ZCCHC2: variants seen among roughly 807,000 people sequenced by gnomAD.
The protein encoded by ZCCHC2 is zinc finger CCHC domain-containing protein 2.
ZCCHC2 carries 39 observed loss-of-function variants against 103.6 expected under a neutral mutation model. The observed-to-expected ratio is 0.38, with a 90% CI of 0.29 to 0.49. The LOEUF is 0.49. ZCCHC2 is among the 20% of genes least tolerant of loss of function. The probability of loss-of-function intolerance (pLI) is 0.96; values close to 1 mark genes in which losing one functional copy is unlikely to be tolerated. For missense variants in ZCCHC2, 1,483 were observed against 1,491.0 expected (o/e 0.99, Z 0.09); for synonymous variants, 687 against 608.9 (o/e 1.13, Z -1.89).
At position 62,523,589 on chromosome 18, in the gene ZCCHC2, G is replaced by A; in HGVS notation, c.165G>A (p.Arg55=). 1.0e-6 allele frequency: 1 copy of A among 997,074 alleles called. No homozygotes were observed. Among genetic ancestry groups the A allele is most frequent in the Non-Finnish European group, 1.2e-6 (1 of 835,658 alleles). 61.8% of individuals were successfully genotyped at this position (997,074 alleles called of 1,614,324 possible). A position where few individuals can be genotyped will look rare whatever the true frequency, so the allele number is the denominator to read the frequency against. ...PPPPPPAGPS[R]GPLPPPPPPR... ...CGCCGCCGCCCGCGGGCCCGTCGCG[G>A]GGCCCTCTGCCGCCGCCGCCGCCGC... is the stretch of plus-strand genomic sequence containing the variant. Residue 55 remains arginine (R), a synonymous_variant, in exon 1 of 14, where the codon CGG becomes CGA. Transcript: ENST00000269499.
rs1914169288 is a variant in ZCCHC2 at position 62,523,609 on chromosome 18, C to CGCT, written c.187_188insTGC (p.Pro62_Pro63insLeu). On this transcript the variant is annotated inframe_insertion, in exon 1 of 14. Transcript: ENST00000269499. Reference sequence around the variant, plus strand: ...TCGCGGGGCCCTCTGCCGCCGCCGCCGCCGCCCCGGGGACTCGGGCCGCCT... The same window carrying CGCT: ...TCGCGGGGCCCTCTGCCGCCGCCGCCGCTGCCGCCCCGGGGACTCGGGCCGCCT... The CGCT allele has an allele frequency of 7.9e-6, 9 of 1,144,946 alleles. No homozygotes were observed. The highest frequency in any genetic ancestry group is 9.6e-6 in the Non-Finnish European group (9 of 933,788). 70.9% of individuals were successfully genotyped at this position (1,144,946 alleles called of 1,614,324 possible).
At chr18:62,526,725 C>T (rs1305142441) in intron 1 of ZCCHC2, among the ~76,000 whole-genome samples, 1 of 152,124 alleles carries the variant, frequency 6.6e-6, no homozygotes, top group Non-Finnish European at 1.5e-5. Flanking sequence ...GCCTTAGGGG[C>T]TCGGAGGTCA....
intron 1 of ZCCHC2, among the ~76,000 whole-genome samples, chr18:62,528,428 A>C (rs1312836718): frequency 6.6e-6 from 1 of 152,140 alleles, no homozygotes; most frequent in Non-Finnish European, 1.5e-5. Context: ...CCCCATCTCT[A>C]TTAAGAAAAA....
At chr18:62,579,720 GTCTTT>G (rs1916989535), downstream of ZCCHC2, among the ~76,000 whole-genome samples, 1 of 151,826 alleles carries the variant, frequency 6.6e-6, no homozygotes, top group African/African-American at 2.4e-5. Context: ...GATTGTGTTA[GTCTTT>G]TCTTTTTTTT....
At chr18:62,562,886 CATT>C in intron 8 of ZCCHC2, 120 bp from the exon 9 acceptor site, 1 of 1,085,280 alleles carries the variant, frequency 9.2e-7, no homozygotes, top group Non-Finnish European at 1.3e-6. Context: ...TTAGACCTAT[CATT>C]AGGCATTCCT....
At chr18:62,543,281 C>CATGAGAATATT (rs1915277111) in intron 3 of ZCCHC2, among the ~76,000 whole-genome samples, 1 of 152,072 alleles carries the variant, frequency 6.6e-6, no homozygotes, top group African/African-American at 2.4e-5. Flanking sequence ...TATTTCTGAC[C>CATGAGAATATT]CTCCACTAGA....
intron 1 of ZCCHC2, among the ~76,000 whole-genome samples, chr18:62,538,682 T>C (rs1248096369): frequency 6.6e-6 from 1 of 152,150 alleles, no homozygotes; most frequent in Non-Finnish European, 1.5e-5. Flanking sequence ...GAAGTTTAGC[T>C]CCCAAAAGTA....
At chr18:62,556,370 TG>T in intron 6 of ZCCHC2, 73 bp downstream of exon 6, 1 of 1,210,662 alleles carries the variant, frequency 8.3e-7, no homozygotes, top group Non-Finnish European at 1.2e-6. Context: ...TGTCATTTTG[TG>T]TAGGTTTGTC....
At chr18:62,569,314 TTTA>T (rs1279731770) in intron 11 of ZCCHC2, among the ~76,000 whole-genome samples, 8 of 152,202 alleles carry the variant, frequency 5.3e-5, no homozygotes, top group Non-Finnish European at 1.0e-4. Flanking sequence ...CCCATTATCT[TTTA>T]CTGGTTCTAC....
intron 4 of ZCCHC2, among the ~76,000 whole-genome samples, chr18:62,549,827 C>G (rs1915587576): frequency 6.6e-6 from 1 of 152,156 alleles, no homozygotes; most frequent in Admixed American, 6.5e-5. Context: ...GGTTTCTCAC[C>G]CGTCTCTCAT....
At chr18:62,582,540 A>C (rs998173650), downstream of ZCCHC2, among the ~76,000 whole-genome samples, 1 of 152,138 alleles carries the variant, frequency 6.6e-6, no homozygotes, top group Non-Finnish European at 1.5e-5. Context: ...TTAGCCGGGC[A>C]TGGTGGTGTG....
At chr18:62,582,649 A>G (rs1399110587), downstream of ZCCHC2, among the ~76,000 whole-genome samples, 7 of 152,196 alleles carry the variant, frequency 4.6e-5, no homozygotes, top group Non-Finnish European at 1.0e-4. Context: ...ACTGCACTAC[A>G]GCCTGGGTGA....
rs1466536159 is a variant in ZCCHC2, at chr18:62,524,124, G to A, written c.700G>A (p.Asp234Asn). 8 of 1,532,854 alleles carry A rather than the reference G, an allele frequency of 5.2e-6. No homozygotes were observed. Among genetic ancestry groups the A allele is most frequent in the Non-Finnish European group, 6.1e-6 (7 of 1,142,774 alleles). The allele number at this position is 1,532,854 out of a possible 1,614,324, so 95.0% of individuals were successfully genotyped here. A position where few individuals can be genotyped will look rare whatever the true frequency, so the allele number is the denominator to read the frequency against. Reference protein sequence around the residue: ...DGDGEQDAEKDGSGPEGGIVE... With the variant: ...DGDGEQDAEKNGSGPEGGIVE... ...CGACGGCGAGCAGGACGCCGAGAAG[G>A]ACGGCTCAGGCCCGGAAGGCGGCAT... Residue 234 changes from aspartate (D) to asparagine (N), a missense_variant, in exon 1 of 14, where the codon GAC (aspartate) becomes AAC (asparagine). Physicochemically the swap from Asp to Asn is conservative, Grantham distance 23 (BLOSUM62 1). Coordinates refer to ENST00000269499, the MANE Select transcript of ZCCHC2 (RefSeq NM_017742.6).
chr18:62,566,832 A>C (rs189135768), intron 11 of ZCCHC2, among the ~76,000 whole-genome samples: 16 of 152,332 alleles, frequency 1.1e-4, no homozygotes, highest in Admixed American at 2.0e-4. Context: ...ACATGTAAAA[A>C]CATGAAGAGC....
chr18:62,531,308 C>T (rs1178473221), intron 1 of ZCCHC2, among the ~76,000 whole-genome samples: 1 of 152,054 alleles, frequency 6.6e-6, no homozygotes, highest in Non-Finnish European at 1.5e-5. Context: ...CTGGCTGGGC[C>T]GGGGGTAGTT....
At chr18:62,555,367 A>G (rs1480737159) in intron 5 of ZCCHC2, among the ~76,000 whole-genome samples, 4 of 152,184 alleles carry the variant, frequency 2.6e-5, no homozygotes, top group Non-Finnish European at 4.4e-5. Flanking sequence ...CACATTCAAC[A>G]TGAGTCATCA....
chr18:62,565,999 C>CT (rs1916347352), intron 11 of ZCCHC2, among the ~76,000 whole-genome samples: 1 of 152,176 alleles, frequency 6.6e-6, no homozygotes, highest in Admixed American at 6.5e-5. Flanking sequence ...AATCCCAGCA[C>CT]TTTGAGAGGC....
chr18:62,526,784 GC>G (rs1251329286), intron 1 of ZCCHC2: 2 of 152,004 alleles, frequency 1.3e-5, no homozygotes, highest in East Asian at 3.9e-4. Context: ...GTGGCGCGGG[GC>G]TCCTCCCCGC....
chr18:62,584,778 G>A (rs1234776477), exon 15 of ZCCHC2: 3 of 152,322 alleles, frequency 2.0e-5, no homozygotes, highest in African/African-American at 7.2e-5. Context: ...TGTGAAGTGG[G>A]GTGGGAATGT....
Sources: allele counts gnomAD v4.1 joint callset (sites outside exome capture counted in the v4.1 genomes callset), GRCh38; gene constraint gnomAD v4.1.1; transcripts MANE v1.5; gene names NCBI Gene and HGNC (gene_info 2026-07-23, HGNC 2026-07-21).